MAST2: variants seen among roughly 807,000 people sequenced by gnomAD.
MAST2 encodes microtubule associated serine/threonine kinase 2.
In MAST2, 70 loss-of-function variants were observed where a neutral mutation model predicts 147.4. The ratio of observed to expected loss-of-function variants is 0.47; its 90% confidence interval spans 0.39 to 0.58. MAST2 has a LOEUF of 0.58. MAST2 is among the 20% of genes least tolerant of loss of function. The pLI, the probability that MAST2 is intolerant of heterozygous loss-of-function variation, is 0.00. For synonymous variants in MAST2, 869 were observed against 896.8 expected (o/e 0.97, Z 0.55); for missense variants, 2,080 against 2,302.3 (o/e 0.90, Z 1.98).
rs773145941 is a variant in MAST2, at chr1:46,031,350, T to C, written c.2993-41T>C. On this transcript the variant is annotated intron_variant, in intron 23 of 28. Coordinates refer to ENST00000361297, the MANE Select transcript of MAST2 (RefSeq NM_015112.3). This position sits in a 1 kb window ranked among gnomAD's most constrained non-coding sequence, Gnocchi z 4.1. ...GGAGGATACTGCAGGGCAGGGAGGC[T>C]CAGCGGCATCGCGGGTCTCACTGCT... 1.3e-5 allele frequency: 20 copies of C among 1,581,332 alleles called. No homozygotes were observed. Among genetic ancestry groups the C allele is most frequent in the Non-Finnish European group, 1.6e-5 (18 of 1,160,034 alleles).
chr1:45,973,927 G>T lies in MAST2; in HGVS notation c.592+14450G>T, dbSNP rs189083716. Among the ~76,000 whole-genome samples the T allele has an allele frequency of 4.2e-4, 64 of 152,260 alleles. 1 individual carries two copies. Among genetic ancestry groups the T allele is most frequent in the African/African-American group, 1.4e-3 (59 of 41,558 alleles). The stretch of plus-strand genomic sequence containing the variant: ...AAAACCTAATTGGTGAGTCAAGAAA[G>T]AAAGGGAAAAAGAAAATGGAGATAA... On this transcript the variant is annotated intron_variant, in intron 5 of 28. Coordinates refer to ENST00000361297, the MANE Select transcript of MAST2 (RefSeq NM_015112.3).
intron 5 of MAST2, among the ~76,000 whole-genome samples, chr1:45,988,216 G>A (rs1644726260): frequency 6.6e-6 from 1 of 152,032 alleles, no homozygotes; most frequent in Admixed American, 6.6e-5. Flanking sequence ...GTCTGGCTAT[G>A]TTGCCCAGGA....
chr1:45,982,804 G>A (rs1644464215), intron 5 of MAST2, among the ~76,000 whole-genome samples: 1 of 152,146 alleles, frequency 6.6e-6, no homozygotes, highest in Admixed American at 6.6e-5. Context: ...ACTTATGACT[G>A]GTGTTGGAAG....
Position 46,032,577 on chromosome 1 carries a change from T to C in MAST2, c.3415-19T>C, listed in dbSNP as rs983977215. ...CGTGTTCAGGCTCCAGTCTGAGTACTGTTCTCTTCCTGGCACAGCACGTGG... is the reference window on the plus strand; with the variant it reads ...CGTGTTCAGGCTCCAGTCTGAGTACCGTTCTCTTCCTGGCACAGCACGTGG... On this transcript the variant is annotated intron_variant, in intron 25 of 28. Transcript: ENST00000361297. 4.3e-6 allele frequency: 7 copies of C among 1,613,150 alleles called. No homozygotes were observed. In the South Asian group the frequency reaches 6.6e-5, roughly 15 times the overall value.
chr1:45,957,286 T>C (rs577309941), intron 4 of MAST2, among the ~76,000 whole-genome samples: 8 of 152,374 alleles, frequency 5.3e-5, no homozygotes, highest in African/African-American at 1.9e-4. Context: ...ATGGATATAC[T>C]GTGATTTGTT....
chr1:45,953,880 A>G (rs1434440643), intron 4 of MAST2, among the ~76,000 whole-genome samples: 2 of 152,230 alleles, frequency 1.3e-5, no homozygotes, highest in African/African-American at 4.8e-5. Context: ...CAATAATAAT[A>G]TAATGGATAC....
At chr1:45,882,511 T>A (rs1557864224) in intron 4 of MAST2, 116 bp downstream of exon 4, 2 of 763,536 alleles carry the variant, frequency 2.6e-6, no homozygotes, top group East Asian at 6.1e-5. Context: ...TCTTTCTGTG[T>A]ACTCCTATCT....
chr1:45,974,403 C>G (rs1214997291), intron 5 of MAST2, among the ~76,000 whole-genome samples: 1 of 152,154 alleles, frequency 6.6e-6, no homozygotes, highest in Non-Finnish European at 1.5e-5. Context: ...TGAGACCAGC[C>G]TAGGCAACAT....
In MAST2 at chr1:46,035,128, G is replaced by A. The variant is rs774220165; in HGVS notation, c.4459G>A (p.Glu1487Lys). The part of the protein sequence containing the change: ...ALGTLRQDRA[E>K]RRESLQKQEA... ...AGGCACCCTCCGGCAGGACCGAGCC[G>A]AACGACGGGAGTCGCTGCAGAAGCA... The change falls in exon 29 of 29, where the codon GAA becomes AAA. Residue 1487 changes from glutamate to lysine, a missense_variant. Physicochemically the swap from Glu to Lys is moderately conservative, Grantham distance 56 (BLOSUM62 1). Transcript: ENST00000361297. This position sits in a 1 kb window ranked among gnomAD's most constrained non-coding sequence, Gnocchi z 5.5. 5.6e-6 allele frequency: 9 copies of A among 1,613,638 alleles called. No homozygotes were observed. Among genetic ancestry groups the A allele is most frequent in the African/African-American group, 1.3e-5 (1 of 75,040 alleles).
In MAST2 at chr1:45,952,671, A is replaced by G. The variant is rs9970684; in HGVS notation, c.501-6715A>G. ...ACAGGAGCCATAAGACTACAGAATAATATTTTTAAAGTATTGAGAAAAAAG... is the reference window on the plus strand; with the variant it reads ...ACAGGAGCCATAAGACTACAGAATAGTATTTTTAAAGTATTGAGAAAAAAG... On this transcript the variant is annotated intron_variant, in intron 4 of 28. Transcript: ENST00000361297. Among the ~76,000 whole-genome samples, 1,128 of 152,322 alleles carry G rather than the reference A, an allele frequency of 7.4e-3. 17 individuals carry two copies. Among genetic ancestry groups the G allele is most frequent in the African/African-American group, 0.026 (1,065 of 41,570 alleles).
At chr1:45,887,686 A>G (rs1557869887) in intron 4 of MAST2, among the ~76,000 whole-genome samples, 1 of 152,322 alleles carries the variant, frequency 6.6e-6, no homozygotes, top group East Asian at 1.9e-4. Context: ...TGCTAAAAAG[A>G]GATACCACCT....
At chr1:45,881,571 G>T in intron 3 of MAST2, among the ~76,000 whole-genome samples, 1 of 152,128 alleles carries the variant, frequency 6.6e-6, no homozygotes, top group East Asian at 1.9e-4. Flanking sequence ...TATCGTAAAG[G>T]TTATTTCTTA....
At position 45,909,035 on chromosome 1, in the gene MAST2, G is replaced by C. The variant is rs59876321; in HGVS notation, c.500+26640G>C. Among the ~76,000 whole-genome samples, 534 of 152,270 alleles carry C rather than the reference G, an allele frequency of 3.5e-3. 2 individuals are homozygous for C. The highest frequency in any genetic ancestry group is 0.012 in the African/African-American group (485 of 41,548). ...GAAGTTTGCCAATCTTTAGGTCCCT[G>C]CCTAAAATCGAAACTTTTTTTCTTT... On this transcript the variant is annotated intron_variant, in intron 4 of 28. Coordinates refer to ENST00000361297, the MANE Select transcript of MAST2 (RefSeq NM_015112.3).
chr1:45,953,584 A>T (rs972569487), intron 4 of MAST2, among the ~76,000 whole-genome samples: 1 of 138,042 alleles, frequency 7.2e-6, no homozygotes, highest in Non-Finnish European at 1.5e-5. Context: ...AGGTGACATT[A>T]GAATAAAGCC....
At chr1:46,004,767 A>G (rs1490160317) in intron 7 of MAST2, among the ~76,000 whole-genome samples, 1 of 152,236 alleles carries the variant, frequency 6.6e-6, no homozygotes, top group Non-Finnish European at 1.5e-5. Context: ...GTGGTGCTTT[A>G]GCTTTGATTC....
At position 45,959,413 on chromosome 1, in the gene MAST2, G is replaced by A; in HGVS notation, c.528G>A (p.Leu176=). ...SFCRTSNRKS[L]IVTSSTSPTL... ...GTCGGACAAGTAACCGCAAGAGCTT[G>A]ATTGTGACCTCTAGCACATCACCTA... is the stretch of plus-strand genomic sequence containing the variant. Residue 176 remains leucine, a synonymous_variant, in exon 5 of 29, where the codon TTG becomes TTA. Transcript: ENST00000361297. 1 of 1,613,806 alleles carries A rather than the reference G, an allele frequency of 6.2e-7. No individual in the cohort carries two copies. Among genetic ancestry groups the A allele is most frequent in the Non-Finnish European group, 8.5e-7 (1 of 1,179,814 alleles).
intron 4 of MAST2, among the ~76,000 whole-genome samples, chr1:45,897,603 G>GT: frequency 6.6e-6 from 1 of 152,278 alleles, no homozygotes; most frequent in South Asian, 2.1e-4. Context: ...GAGCTCAGGA[G>GT]TTTGAGACCA....
At chr1:45,920,825 G>T (rs965215662) in intron 4 of MAST2, among the ~76,000 whole-genome samples, 15 of 152,150 alleles carry the variant, frequency 9.9e-5, no homozygotes, top group African/African-American at 2.4e-4. Context: ...AAAATACTCT[G>T]ATGAGGTGGG....
intron 5 of MAST2, among the ~76,000 whole-genome samples, chr1:45,996,399 G>T (rs1036386144): frequency 6.6e-6 from 1 of 152,066 alleles, no homozygotes; most frequent in African/African-American, 2.4e-5. Flanking sequence ...TGATACTTCT[G>T]AGGAGGCCTG....
Sources: gnomAD v4.1 joint callset for allele counts (sites outside exome capture counted in the v4.1 genomes callset) on GRCh38, gnomAD v4.1.1 for gene constraint, Gnocchi (gnomAD v3.1) non-coding constraint, MANE v1.5 for transcripts, NCBI Gene and HGNC (gene_info 2026-07-23, HGNC 2026-07-21) for gene names.